Variants in SNTG1 observed in about 807,000 individuals in gnomAD.
SNTG1 encodes the protein syntrophin gamma 1.
SNTG1 carries 39 observed loss-of-function variants against 74.7 expected under a neutral mutation model. The ratio of observed to expected loss-of-function variants is 0.52; its 90% CI spans 0.40 to 0.68. The LOEUF (loss-of-function observed/expected upper bound fraction) is 0.68, where lower values mean the gene tolerates loss of function less well. Ranked by LOEUF, SNTG1 falls within the 30% of genes least tolerant of loss-of-function variation. The pLI is 0.00. For missense variants in SNTG1, 685 were observed against 609.5 expected, an observed-to-expected ratio of 1.12 and a Z score of -1.30; for synonymous variants, 254 against 217.1, an observed-to-expected ratio of 1.17 and a Z score of -1.49.
chr8:50,270,196 G>T (rs546024054), intron 2 of SNTG1, among the ~76,000 whole-genome samples: 1 of 152,212 alleles, frequency 6.6e-6, no homozygotes, highest in East Asian at 1.9e-4. Context: ...ATGCAGGCCA[G>T]ATTTTAGGTT....
At chr8:50,558,019 T>C (rs1361749912) in intron 12 of SNTG1, among the ~76,000 whole-genome samples, 1 of 152,142 alleles carries the variant, frequency 6.6e-6, no homozygotes, top group Non-Finnish European at 1.5e-5. Flanking sequence ...GATCGCAGCA[T>C]CACTCTCTTT....
chr8:50,064,139 T>G (rs1445015093), intron 1 of SNTG1, among the ~76,000 whole-genome samples: 1 of 152,210 alleles, frequency 6.6e-6, no homozygotes, highest in Non-Finnish European at 1.5e-5. Flanking sequence ...ACACAGTGCT[T>G]GGCACCAATT....
chr8:50,222,567 A>G (rs2085122170), intron 2 of SNTG1, among the ~76,000 whole-genome samples: 1 of 152,200 alleles, frequency 6.6e-6, no homozygotes, highest in Admixed American at 6.6e-5. Context: ...CCAGTGCTAC[A>G]GAATACTAGA....
intron 8 of SNTG1, among the ~76,000 whole-genome samples, chr8:50,502,168 GATA>G (rs1283470919): frequency 1.3e-5 from 2 of 152,188 alleles, no homozygotes; most frequent in East Asian, 3.9e-4. Flanking sequence ...TGATGCTATT[GATA>G]ATAACAGGTT....
At chr8:50,659,820 T>C (rs942871581) in intron 15 of SNTG1, among the ~76,000 whole-genome samples, 1 of 152,290 alleles carries the variant, frequency 6.6e-6, no homozygotes, top group Non-Finnish European at 1.5e-5. Flanking sequence ...TCTGAAATAA[T>C]TGCCAAAATG....
At chr8:50,571,604 A>G (rs1242220565) in intron 12 of SNTG1, among the ~76,000 whole-genome samples, 3 of 152,132 alleles carry the variant, frequency 2.0e-5, no homozygotes, top group African/African-American at 7.2e-5. Context: ...GCCTTCACCT[A>G]TGACCCTAAG....
At chr8:49,937,006 G>A (rs761739936) in intron 1 of SNTG1, among the ~76,000 whole-genome samples, 10 of 152,158 alleles carry the variant, frequency 6.6e-5, no homozygotes, top group Non-Finnish European at 1.0e-4. Context: ...AAAATTCGCC[G>A]GACGTGGTGG....
At chr8:50,421,430 T>G (rs1242339071) in intron 4 of SNTG1, among the ~76,000 whole-genome samples, 1 of 152,128 alleles carries the variant, frequency 6.6e-6, no homozygotes, top group Non-Finnish European at 1.5e-5. Flanking sequence ...ATGGTGCTGG[T>G]GGGAGTGTAG....
intron 1 of SNTG1, among the ~76,000 whole-genome samples, chr8:50,130,247 G>T: frequency 6.6e-6 from 1 of 152,188 alleles, no homozygotes; most frequent in African/African-American, 2.4e-5. Context: ...TAAGTTAAGG[G>T]TCAAAGAAAG....
intron 1 of SNTG1, among the ~76,000 whole-genome samples, chr8:50,124,676 A>G (rs2081088801): frequency 7.1e-6 from 1 of 141,328 alleles, no homozygotes; most frequent in African/African-American, 2.5e-5. Flanking sequence ...GGTGAATAAG[A>G]CAGAAAATGA....
chr8:50,116,324 G>A (rs940539459), intron 1 of SNTG1, among the ~76,000 whole-genome samples: 8 of 152,016 alleles, frequency 5.3e-5, no homozygotes, highest in African/African-American at 1.9e-4. Flanking sequence ...TGTGAAGTAG[G>A]ATTTTACTCC....
At chr8:50,626,615 C>T (rs2094958030) in intron 13 of SNTG1, among the ~76,000 whole-genome samples, 1 of 152,200 alleles carries the variant, frequency 6.6e-6, no homozygotes, top group Non-Finnish European at 1.5e-5. Context: ...AAAGGGATTG[C>T]CTCTGGCTAG....
intron 1 of SNTG1, among the ~76,000 whole-genome samples, chr8:50,147,268 G>A (rs1374142462): frequency 6.6e-6 from 1 of 152,174 alleles, no homozygotes; most frequent in Admixed American, 6.5e-5. Context: ...AACGCAGACT[G>A]TGAAAAATGA....
At chr8:50,497,491 A>T in intron 8 of SNTG1, among the ~76,000 whole-genome samples, 1 of 152,164 alleles carries the variant, frequency 6.6e-6, no homozygotes, top group East Asian at 1.9e-4. Flanking sequence ...AATATTGATT[A>T]TATCAATATA....
rs147982000 is a variant in SNTG1 at position 50,079,575 on chromosome 8, C to G, written c.-102-92986C>G. Among the ~76,000 whole-genome samples, 244 of 152,124 alleles carry G rather than the reference C, an allele frequency of 1.6e-3. 2 individuals are homozygous for G. The highest frequency in any genetic ancestry group is 2.9e-3 in the Non-Finnish European group (199 of 67,992). On this transcript the variant is annotated intron_variant, in intron 1 of 18. Transcript: ENST00000642720. ...AGAAGCTCTTTAGTTTAATTAGATC[C>G]CATTTGTCAATTTTGGCTTTTGTTC...
chr8:50,175,301 C>T (rs1013747887), intron 2 of SNTG1, among the ~76,000 whole-genome samples: 16 of 152,290 alleles, frequency 1.1e-4, no homozygotes, highest in Admixed American at 2.0e-4. Context: ...GAAGCAGCAG[C>T]GAGTGATCTA....
At chr8:50,510,825 G>A (rs1157247232) in intron 9 of SNTG1, among the ~76,000 whole-genome samples, 1 of 151,760 alleles carries the variant, frequency 6.6e-6, no homozygotes, top group Admixed American at 6.6e-5. Flanking sequence ...TATTAGTCTT[G>A]CTAGCGGTCT....
chr8:50,681,053 A>C (rs950254824), intron 15 of SNTG1, among the ~76,000 whole-genome samples: 2 of 152,220 alleles, frequency 1.3e-5, no homozygotes, highest in Non-Finnish European at 2.9e-5. Flanking sequence ...TCATCTCAAC[A>C]AAAGATTAAA....
intron 1 of SNTG1, among the ~76,000 whole-genome samples, chr8:49,977,365 CTTTG>C (rs1249920268): frequency 1.3e-5 from 2 of 151,840 alleles, no homozygotes; most frequent in Non-Finnish European, 2.9e-5. Context: ...GAACGCAGTG[CTTTG>C]TTTGAAACTA....
Sources: gnomAD v4.1 joint callset for allele counts (sites outside exome capture counted in the v4.1 genomes callset) on GRCh38, gnomAD v4.1.1 for gene constraint, MANE v1.5 for transcripts, NCBI Gene and HGNC (gene_info 2026-07-23, HGNC 2026-07-21) for gene names.